Variants in CSMD1 observed in about 807,000 individuals in gnomAD.
CSMD1 encodes the protein CUB and Sushi multiple domains 1, also known as CUB and sushi domain-containing protein 1.
CSMD1 carries 213 observed loss-of-function variants against 417.5 expected under a neutral mutation model. The ratio of observed to expected loss-of-function variants is 0.51; its 90% CI spans 0.46 to 0.57. The LOEUF (loss-of-function observed/expected upper bound fraction) is 0.57, where lower values mean the gene tolerates loss of function less well. Ranked by LOEUF, CSMD1 falls within the 20% of genes least tolerant of loss-of-function variation. The probability of loss-of-function intolerance (pLI) is 0.00; values close to 1 mark genes in which losing one functional copy is unlikely to be tolerated. For missense variants in CSMD1, 6,923 were observed against 4,529.7 expected (o/e 1.53, Z -15.17); for synonymous variants, 2,862 against 1,736.8 (o/e 1.65, Z -16.11).
chr8:3,784,986 C>G (rs1028158987), intron 5 of CSMD1, among the ~76,000 whole-genome samples: 1 of 152,130 alleles, frequency 6.6e-6, no homozygotes, highest in Non-Finnish European at 1.5e-5. Context: ...TAAAATGTCT[C>G]TCATGTCAGA....
At chr8:3,164,399 A>T (rs1820086067) in intron 37 of CSMD1, among the ~76,000 whole-genome samples, 1 of 152,240 alleles carries the variant, frequency 6.6e-6, no homozygotes, top group African/African-American at 2.4e-5. Context: ...TTTTCAAGCC[A>T]TTGGGGCTTT....
At chr8:4,245,490 G>T (rs1018560545) in intron 3 of CSMD1, among the ~76,000 whole-genome samples, 1 of 152,130 alleles carries the variant, frequency 6.6e-6, no homozygotes, top group Non-Finnish European at 1.5e-5. Context: ...AACTCTTCAT[G>T]AAGAGCCTAA....
intron 2 of CSMD1, among the ~76,000 whole-genome samples, chr8:4,446,979 G>A (rs1290940078): frequency 6.6e-6 from 1 of 151,726 alleles, no homozygotes; most frequent in Non-Finnish European, 1.5e-5. Context: ...AGCAGGAGAT[G>A]ACTGGGTGGA....
chr8:3,787,629 T>C (rs1799517739), intron 5 of CSMD1, among the ~76,000 whole-genome samples: 1 of 152,202 alleles, frequency 6.6e-6, no homozygotes, highest in Non-Finnish European at 1.5e-5. Flanking sequence ...AGTATTTTTA[T>C]TCCAAGGAGA....
chr8:3,849,271 G>A (rs1277182454), intron 5 of CSMD1, among the ~76,000 whole-genome samples: 1 of 152,142 alleles, frequency 6.6e-6, no homozygotes, highest in African/African-American at 2.4e-5. Context: ...ACGGGTGCAT[G>A]TGAATGTGCA....
intron 5 of CSMD1, among the ~76,000 whole-genome samples, chr8:3,925,852 G>A (rs1809622589): frequency 6.6e-6 from 1 of 151,590 alleles, no homozygotes; most frequent in Admixed American, 6.6e-5. Context: ...AGATATTTGG[G>A]GACCTTTATT....
intron 26 of CSMD1, among the ~76,000 whole-genome samples, chr8:3,250,511 A>G (rs568301095): frequency 3.3e-5 from 5 of 152,302 alleles, no homozygotes; most frequent in East Asian, 1.9e-4. Context: ...TAGTGCCGCA[A>G]TAAACATACG....
intron 11 of CSMD1, among the ~76,000 whole-genome samples, chr8:3,471,620 C>T (rs542393247): frequency 2.1e-5 from 3 of 140,820 alleles, no homozygotes; most frequent in Non-Finnish European, 4.6e-5. Flanking sequence ...CTCCTTCCTT[C>T]CCTCCCTCTC....
intron 5 of CSMD1, among the ~76,000 whole-genome samples, chr8:3,969,444 G>C (rs1336997265): frequency 2.0e-5 from 3 of 152,042 alleles, no homozygotes; most frequent in Non-Finnish European, 4.4e-5. Flanking sequence ...GGTGGTCATG[G>C]TCACTAGTGT....
At chr8:3,586,380 A>C in intron 8 of CSMD1, 120 bp from the exon 9 acceptor site, 1 of 914,254 alleles carries the variant, frequency 1.1e-6, no homozygotes, top group Admixed American at 2.9e-5. Flanking sequence ...AGCCTAAGAC[A>C]TTAAGCAACT....
chr8:4,137,055 C>A (rs1280062625), intron 3 of CSMD1, among the ~76,000 whole-genome samples: 2 of 152,208 alleles, frequency 1.3e-5, no homozygotes, highest in South Asian at 4.1e-4. Context: ...GCTTTTCGGG[C>A]TCTAACTTCC....
chr8:3,716,559 G>C (rs975767016), intron 6 of CSMD1, among the ~76,000 whole-genome samples: 1 of 152,104 alleles, frequency 6.6e-6, no homozygotes, highest in South Asian at 2.1e-4. Context: ...TCTCGTCCCC[G>C]TCTTGGTTTC....
At chr8:3,608,256 G>C (rs1489709274) in intron 8 of CSMD1, among the ~76,000 whole-genome samples, 1 of 152,050 alleles carries the variant, frequency 6.6e-6, no homozygotes, top group Non-Finnish European at 1.5e-5. Flanking sequence ...GGTAGTGTCA[G>C]GACAGATATT....
intron 12 of CSMD1, among the ~76,000 whole-genome samples, chr8:3,463,823 G>A (rs1816652522): frequency 1.3e-5 from 2 of 152,156 alleles, no homozygotes; most frequent in Non-Finnish European, 2.9e-5. Flanking sequence ...TGGTAAAGAT[G>A]CTGGTTTTTG....
At chr8:3,262,814 A>G (rs888446873) in intron 26 of CSMD1, among the ~76,000 whole-genome samples, 1 of 152,362 alleles carries the variant, frequency 6.6e-6, no homozygotes, top group Non-Finnish European at 1.5e-5. Context: ...CCTATTAAAC[A>G]TAAGTAAATG....
intron 51 of CSMD1, among the ~76,000 whole-genome samples, chr8:3,025,495 T>G (rs887243449): frequency 6.6e-6 from 1 of 152,210 alleles, no homozygotes; most frequent in Non-Finnish European, 1.5e-5. Context: ...TGAAACTGTG[T>G]ATTGTGTGGT....
intron 5 of CSMD1, among the ~76,000 whole-genome samples, chr8:3,890,241 T>C (rs189310243): frequency 1.3e-5 from 2 of 152,320 alleles, no homozygotes; most frequent in Non-Finnish European, 2.9e-5. Flanking sequence ...AATATTCTTG[T>C]TGTTCAAACT....
At chr8:3,891,752 G>C (rs1806987615) in intron 5 of CSMD1, among the ~76,000 whole-genome samples, 1 of 152,092 alleles carries the variant, frequency 6.6e-6, no homozygotes, top group South Asian at 2.1e-4. Flanking sequence ...ACTGACTGGA[G>C]ACTGAATCTC....
chr8:4,172,889 T>C (rs1052624197), intron 3 of CSMD1, among the ~76,000 whole-genome samples: 1 of 152,054 alleles, frequency 6.6e-6, no homozygotes, highest in Non-Finnish European at 1.5e-5. Context: ...CCCAGCCCAT[T>C]CCAGGAGTTG....
Sources: allele counts gnomAD v4.1 joint callset (sites outside exome capture counted in the v4.1 genomes callset), GRCh38; gene constraint gnomAD v4.1.1; transcripts MANE v1.5; gene names NCBI Gene and HGNC (gene_info 2026-07-23, HGNC 2026-07-21).